The following KAT2B variants were observed in gnomAD, a reference collection of about 807,000 sequenced individuals.
The protein encoded by KAT2B is lysine acetyltransferase 2B.
KAT2B carries 36 observed loss-of-function variants against 105.9 expected under a neutral mutation model. That is an observed-to-expected ratio of 0.34 (90% CI 0.26 to 0.45). KAT2B has a LOEUF of 0.45. KAT2B is among the 20% of genes least tolerant of loss of function. KAT2B has a pLI of 1.00. For synonymous variants in KAT2B, 397 were observed against 377.9 expected (o/e 1.05, Z -0.59); for missense variants, 820 against 1,021.6 (o/e 0.80, Z 2.69).
At position 20,148,608 on chromosome 3, in the gene KAT2B, G is replaced by C. The variant is rs1699817575; in HGVS notation, c.2305+121G>C. 4.1e-6 allele frequency: 3 copies of C among 728,608 alleles called. No homozygotes were observed. In the South Asian group the frequency reaches 5.7e-5, roughly 14 times the overall value. The allele number at this position is 728,608 out of a possible 1,614,324, so 45.1% of individuals were successfully genotyped here. ...TAGGGTAGGAAGTGTATGACGGGTG[G>C]TGGGATTCCATGCACCGTGGCGGGT... On this transcript the variant is annotated intron_variant, in intron 17 of 17. Transcript: ENST00000263754.
At chr3:20,139,120 G>A (rs1375565687) in intron 12 of KAT2B, among the ~76,000 whole-genome samples, 2 of 151,528 alleles carry the variant, frequency 1.3e-5, no homozygotes, top group East Asian at 3.9e-4. Context: ...TTGCTATGTT[G>A]CCTGGGCTGG....
chr3:20,118,222 T>C, intron 7 of KAT2B, among the ~76,000 whole-genome samples: 1 of 146,434 alleles, frequency 6.8e-6, no homozygotes, highest in East Asian at 2.0e-4. Context: ...TATTTACATA[T>C]GTAAATATGT....
intron 2 of KAT2B, among the ~76,000 whole-genome samples, chr3:20,093,468 T>C (rs1271465525): frequency 6.6e-6 from 1 of 152,124 alleles, no homozygotes; most frequent in Non-Finnish European, 1.5e-5. Context: ...CAAATGGAGC[T>C]GCTGGTAGTT....
At chr3:20,091,540 T>C (rs1354446980) in intron 2 of KAT2B, among the ~76,000 whole-genome samples, 2 of 152,136 alleles carry the variant, frequency 1.3e-5, no homozygotes, top group East Asian at 1.9e-4. Context: ...CTTTGGACTT[T>C]AGTTCGTTCT....
At chr3:20,081,942 T>C (rs1698528631) in intron 2 of KAT2B, among the ~76,000 whole-genome samples, 1 of 150,294 alleles carries the variant, frequency 6.7e-6, no homozygotes, top group Non-Finnish European at 1.5e-5. Flanking sequence ...AGTCTCTACG[T>C]ATAAATTTGT....
chr3:20,106,824 C>G (rs73818816), intron 5 of KAT2B, among the ~76,000 whole-genome samples: 12,582 of 150,466 alleles, frequency 0.084, 571 homozygotes, highest in East Asian at 0.2. Flanking sequence ...GATGGAAATG[C>G]TGTTTAGACT....
intron 2 of KAT2B, among the ~76,000 whole-genome samples, chr3:20,082,811 A>G (rs918639532): frequency 1.3e-5 from 2 of 152,224 alleles, no homozygotes; most frequent in African/African-American, 2.4e-5. Context: ...AGCATTTGCA[A>G]TGAGTATGGC....
At chr3:20,075,212 C>T (rs1292051657) in intron 2 of KAT2B, among the ~76,000 whole-genome samples, 1 of 151,654 alleles carries the variant, frequency 6.6e-6, no homozygotes, top group African/African-American at 2.4e-5. Flanking sequence ...TGTAGTGAGC[C>T]GAGATTGCAC....
In KAT2B at chr3:20,071,784, C is replaced by T. The variant is rs554790187; in HGVS notation, c.304-549C>T. On this transcript the variant is annotated intron_variant, in intron 1 of 17. Transcript: ENST00000263754. ...GATGAAGCCCTCTTCATTTCTAAAG[C>T]TGGGAGCTCACAGAAGTCTTGGAGG... Among the ~76,000 whole-genome samples the T allele has an allele frequency of 8.5e-5, 13 of 152,286 alleles. No homozygotes were observed. The South Asian group carries it at 2.3e-3, about 27-fold the overall frequency.
intron 2 of KAT2B, among the ~76,000 whole-genome samples, chr3:20,076,017 C>T (rs1698413042): frequency 6.6e-6 from 1 of 151,858 alleles, no homozygotes; most frequent in African/African-American, 2.4e-5. Context: ...CTTTAATCTT[C>T]TAATAACCTG....
At chr3:20,147,678 A>T (rs1283673372) in intron 14 of KAT2B, among the ~76,000 whole-genome samples, 3 of 152,252 alleles carry the variant, frequency 2.0e-5, no homozygotes, top group African/African-American at 7.2e-5. Context: ...TTTAAAAAAT[A>T]CACAGGCCCA....
chr3:20,123,048 C>A, intron 9 of KAT2B: 1 of 729,560 alleles, frequency 1.4e-6, no homozygotes, highest in Non-Finnish European at 1.7e-6. Flanking sequence ...TCATTCCCAG[C>A]TTTTTATCTT....
At chr3:20,067,105 A>G (rs1698236455) in intron 1 of KAT2B, among the ~76,000 whole-genome samples, 1 of 152,130 alleles carries the variant, frequency 6.6e-6, no homozygotes, top group Non-Finnish European at 1.5e-5. Context: ...AGGGAATTTT[A>G]ATTTGTTTGG....
intron 2 of KAT2B, among the ~76,000 whole-genome samples, chr3:20,079,708 C>G (rs1021731940): frequency 6.6e-6 from 1 of 152,114 alleles, no homozygotes; most frequent in Admixed American, 6.6e-5. Flanking sequence ...ATAATTGCCC[C>G]CTCAGTTCCC....
intron 2 of KAT2B, among the ~76,000 whole-genome samples, chr3:20,077,246 A>G (rs1698436026): frequency 6.6e-6 from 1 of 152,134 alleles, no homozygotes; most frequent in Admixed American, 6.6e-5. Context: ...GGTCGCTGAG[A>G]TGGGAGGATC....
intron 8 of KAT2B, 74 bp from the exon 9 acceptor site, chr3:20,122,592 GAA>G (rs2125175301): frequency 1.7e-6 from 2 of 1,200,642 alleles, no homozygotes; most frequent in Admixed American, 2.0e-5. Context: ...AATGCTGTTA[GAA>G]AATTAGTTGG....
intron 1 of KAT2B, among the ~76,000 whole-genome samples, chr3:20,044,863 G>C (rs928798437): frequency 6.6e-6 from 1 of 152,170 alleles, no homozygotes; most frequent in Admixed American, 6.5e-5. Flanking sequence ...TTGACTAAGC[G>C]AATGAACCAG....
chr3:20,100,655 G>T (rs1288344077), intron 4 of KAT2B, among the ~76,000 whole-genome samples: 1 of 151,976 alleles, frequency 6.6e-6, no homozygotes, highest in African/African-American at 2.4e-5. Flanking sequence ...ATTTTATTTT[G>T]CCTCCAAACT....
chr3:20,079,483 C>T (rs149934969), intron 2 of KAT2B, among the ~76,000 whole-genome samples: 52 of 152,228 alleles, frequency 3.4e-4, no homozygotes, highest in African/African-American at 1.2e-3. Context: ...GGATTACAGG[C>T]GTGAGCCACC....
Sources: gnomAD v4.1 joint callset for allele counts (sites outside exome capture counted in the v4.1 genomes callset) on GRCh38, gnomAD v4.1.1 for gene constraint, MANE v1.5 for transcripts, NCBI Gene and HGNC (gene_info 2026-07-23, HGNC 2026-07-21) for gene names.